Variants in NWD2 observed in about 807,000 individuals in gnomAD.
The protein encoded by NWD2 is NACHT and WD repeat domain-containing protein 2.
Under a neutral mutation model 132.7 loss-of-function variants are expected in NWD2, and 37 were observed. That is an observed-to-expected ratio of 0.28 (90% CI 0.21 to 0.37). NWD2 has a LOEUF of 0.37. NWD2 is among the 10% of genes least tolerant of loss of function. NWD2 has a pLI of 1.00. For synonymous variants in NWD2, 705 were observed against 803.0 expected (o/e 0.88, Z 2.06); for missense variants, 1,592 against 2,122.4 (o/e 0.75, Z 4.91).
chr4:37,392,936 T>A (rs113838568), intron 3 of NWD2, among the ~76,000 whole-genome samples: 1,792 of 152,298 alleles, frequency 0.012, 32 homozygotes, highest in African/African-American at 0.041. Flanking sequence ...CACCCTAGGA[T>A]GTCTGTGAAT....
chr4:37,401,094 T>C (rs901296647), intron 3 of NWD2, among the ~76,000 whole-genome samples: 1 of 152,216 alleles, frequency 6.6e-6, no homozygotes, highest in African/African-American at 2.4e-5. Context: ...AAACTACTGA[T>C]TAAATTAAGG....
chr4:37,269,227 G>A (rs1474528724), intron 1 of NWD2, among the ~76,000 whole-genome samples: 2 of 151,758 alleles, frequency 1.3e-5, no homozygotes, highest in African/African-American at 2.4e-5. Context: ...GGAAAATAAC[G>A]CCGGTCACCA....
chr4:37,365,966 T>A (rs1720092253), intron 3 of NWD2, among the ~76,000 whole-genome samples: 1 of 152,214 alleles, frequency 6.6e-6, no homozygotes, highest in Non-Finnish European at 1.5e-5. Context: ...GCAACAACTT[T>A]TTAAAAAGGT....
At chr4:37,323,960 G>A (rs1270393553) in intron 1 of NWD2, among the ~76,000 whole-genome samples, 1 of 151,752 alleles carries the variant, frequency 6.6e-6, no homozygotes, top group Admixed American at 6.6e-5. Context: ...AATACTGCAT[G>A]TTCTCACTTG....
At chr4:37,419,567 C>T (rs1711744246) in intron 3 of NWD2, among the ~76,000 whole-genome samples, 1 of 152,050 alleles carries the variant, frequency 6.6e-6, no homozygotes, top group African/African-American at 2.4e-5. Context: ...ATAAACAACC[C>T]CATCAAAAAG....
intron 1 of NWD2, among the ~76,000 whole-genome samples, chr4:37,273,843 C>T (rs1454162807): frequency 3.3e-5 from 5 of 152,016 alleles, no homozygotes; most frequent in East Asian, 1.9e-4. Flanking sequence ...GGGTACATAA[C>T]GAAATGAAGG....
intron 3 of NWD2, among the ~76,000 whole-genome samples, chr4:37,363,593 C>T (rs1394196295): frequency 6.6e-6 from 1 of 152,128 alleles, no homozygotes; most frequent in African/African-American, 2.4e-5. Context: ...ATTGGGTACT[C>T]ATGGACATAA....
At chr4:37,277,870 T>C (rs144471937) in intron 1 of NWD2, among the ~76,000 whole-genome samples, 214 of 152,284 alleles carry the variant, frequency 1.4e-3, no homozygotes, top group Non-Finnish European at 2.3e-3. Context: ...TTGTTTTTTT[T>C]CTGCTTTTGT....
At chr4:37,403,327 A>C (rs1170462815) in intron 3 of NWD2, among the ~76,000 whole-genome samples, 5 of 152,234 alleles carry the variant, frequency 3.3e-5, no homozygotes, top group Non-Finnish European at 5.9e-5. Flanking sequence ...CAAGGGAACA[A>C]TAAGAGAGAG....
At chr4:37,315,748 G>A (rs558943671) in intron 1 of NWD2, among the ~76,000 whole-genome samples, 12 of 151,682 alleles carry the variant, frequency 7.9e-5, no homozygotes, top group Non-Finnish European at 1.6e-4. Context: ...TCTCACGTTG[G>A]TTTTCTTCGT....
At position 37,315,929 on chromosome 4, in the gene NWD2, A is replaced by G. The variant is rs1718948135; in HGVS notation, c.152-10007A>G. On this transcript the variant is annotated intron_variant, in intron 1 of 6. Coordinates refer to ENST00000309447, the MANE Select transcript of NWD2 (RefSeq NM_001144990.2). ...CTAACTTAATTTTGTTAAAGCAAAAATACTTTGCACTGGTACAGCTCTATT... is the reference window on the plus strand; with the variant it reads ...CTAACTTAATTTTGTTAAAGCAAAAGTACTTTGCACTGGTACAGCTCTATT... 1.3e-5 allele frequency among the ~76,000 whole-genome samples: 2 copies of G among 152,052 alleles called. 1 individual carries two copies. The highest frequency in any genetic ancestry group is 1.3e-4 in the Admixed American group (2 of 15,274).
intron 3 of NWD2, among the ~76,000 whole-genome samples, chr4:37,367,421 T>G (rs1207052228): frequency 5.3e-5 from 8 of 152,038 alleles, no homozygotes; most frequent in Non-Finnish European, 1.2e-4. Flanking sequence ...AAGATGAGAA[T>G]TTGAAAATTA....
rs116095888 is a variant in NWD2, at chr4:37,282,118, G to A, written c.151+36900G>A. ...TAGTGTTCAGTAATATAACTCAATG[G>A]CCTCTCAACTTTAAATCACTAGCAT... On this transcript the variant is annotated intron_variant, in intron 1 of 6. Coordinates refer to ENST00000309447, the MANE Select transcript of NWD2 (RefSeq NM_001144990.2). Among the ~76,000 whole-genome samples the A allele has an allele frequency of 3.2e-3, 489 of 152,098 alleles. 4 individuals carry two copies. Among genetic ancestry groups the A allele is most frequent in the African/African-American group, 0.011 (452 of 41,502 alleles).
intron 4 of NWD2, among the ~76,000 whole-genome samples, chr4:37,433,170 G>A (rs1712224967): frequency 1.3e-5 from 2 of 151,914 alleles, no homozygotes; most frequent in Non-Finnish European, 1.5e-5. Context: ...AGAATATTGG[G>A]GTAAACCCAA....
intron 3 of NWD2, among the ~76,000 whole-genome samples, chr4:37,392,976 C>G (rs1173217130): frequency 6.6e-6 from 1 of 152,110 alleles, no homozygotes; most frequent in East Asian, 1.9e-4. Context: ...TTCTCTTGAC[C>G]CAAATCTCGG....
At chr4:37,413,899 C>G (rs1721211205) in intron 3 of NWD2, among the ~76,000 whole-genome samples, 1 of 152,058 alleles carries the variant, frequency 6.6e-6, no homozygotes, top group Non-Finnish European at 1.5e-5. Context: ...CATGTTCTCA[C>G]TTATAAGTGG....
intron 2 of NWD2, among the ~76,000 whole-genome samples, chr4:37,335,490 G>A (rs1719388215): frequency 6.6e-6 from 1 of 152,034 alleles, no homozygotes; most frequent in Admixed American, 6.6e-5. Flanking sequence ...TTAGAAGTTA[G>A]CAATCACATT....
chr4:37,334,134 T>C (rs12650456), intron 2 of NWD2, among the ~76,000 whole-genome samples: 60,564 of 151,944 alleles, frequency 0.4, 12,339 homozygotes, highest in Admixed American at 0.51. Flanking sequence ...CTAGAAAGTG[T>C]ATTCAAAGGG....
chr4:37,337,834 A>T (rs937113834), intron 2 of NWD2, among the ~76,000 whole-genome samples: 1 of 152,150 alleles, frequency 6.6e-6, no homozygotes, highest in African/African-American at 2.4e-5. Context: ...TTAAAACAGA[A>T]CTCATCCTCC....
Sources: allele counts gnomAD v4.1 joint callset (sites outside exome capture counted in the v4.1 genomes callset), GRCh38; gene constraint gnomAD v4.1.1; transcripts MANE v1.5; gene names NCBI Gene and HGNC (gene_info 2026-07-23, HGNC 2026-07-21).